FAM178B: variants seen among roughly 807,000 people sequenced by gnomAD.
The protein encoded by FAM178B is protein FAM178B.
Under a neutral mutation model 91.7 loss-of-function variants are expected in FAM178B, and 82 were observed. The observed-to-expected ratio is 0.89, with a 90% CI of 0.75 to 1.07. The LOEUF is 1.07. FAM178B is among the 50% of genes least tolerant of loss of function. The probability of loss-of-function intolerance (pLI) is 0.00; values close to 1 mark genes in which losing one functional copy is unlikely to be tolerated. For missense variants in FAM178B, 769 were observed against 846.7 expected (o/e 0.91, Z 1.14); for synonymous variants, 368 against 359.4 (o/e 1.02, Z -0.27).
At chr2:96,935,001 C>T (rs1012776251) in intron 8 of FAM178B, among the ~76,000 whole-genome samples, 9 of 152,180 alleles carry the variant, frequency 5.9e-5, no homozygotes, top group African/African-American at 1.9e-4. Context: ...CTCTCCTTTC[C>T]CCTGCCCTTC....
In FAM178B at chr2:96,921,251, C is replaced by G. The variant is rs928913917; in HGVS notation, c.1476G>C (p.Leu492=). The G allele has an allele frequency of 1.3e-6, 2 of 1,551,600 alleles. No individual in the cohort carries two copies. Among genetic ancestry groups the G allele is most frequent in the African/African-American group, 1.4e-5 (1 of 73,140 alleles). ...IREWPGKLQE[L]CCTLSWVSDH... ...CAGACACCCAGCTCAGGGTGCAGCA[C>G]AGTTCCTGGAGCTGCAGGAGAACGG... The change falls in exon 12 of 17, where the codon CTG becomes CTC. Residue 492 remains leucine (L), a synonymous_variant. Transcript: ENST00000490605.
intron 13 of FAM178B, among the ~76,000 whole-genome samples, chr2:96,896,996 A>T (rs778361014): frequency 6.6e-6 from 1 of 152,186 alleles, no homozygotes; most frequent in Non-Finnish European, 1.5e-5. Flanking sequence ...TCTCCCGAGT[A>T]GCTGGGATTA....
rs1217154530 is a variant in FAM178B at position 96,941,621 on chromosome 2, C to T, written c.1078+6197G>A. On this transcript the variant is annotated intron_variant, in intron 8 of 16. Coordinates refer to ENST00000490605, the MANE Select transcript of FAM178B (RefSeq NM_001122646.3). ...AATGAATTCTGTTCTTGGAGCTGAA[C>T]GTCTCGCCCACTTTCAAAATATCCA... Among the ~76,000 whole-genome samples the T allele has an allele frequency of 2.0e-5, 3 of 152,216 alleles. No individual in the cohort carries two copies. The East Asian group carries it at 5.8e-4, about 29-fold the overall frequency.
At chr2:96,912,958 G>C (rs1278428287) in intron 12 of FAM178B, among the ~76,000 whole-genome samples, 1 of 152,212 alleles carries the variant, frequency 6.6e-6, no homozygotes, top group Non-Finnish European at 1.5e-5. Flanking sequence ...AAAGAGAACT[G>C]GGGGAGGAAG....
chr2:96,921,057 A>G, intron 12 of FAM178B, 108 bp downstream of exon 12: 1 of 826,910 alleles, frequency 1.2e-6, no homozygotes, highest in Non-Finnish European at 2.0e-6. Flanking sequence ...GGGATTAGAA[A>G]TTGGGCAGGG....
intron 1 of FAM178B, among the ~76,000 whole-genome samples, chr2:96,976,748 T>C (rs2153376127): frequency 6.6e-6 from 1 of 152,096 alleles, no homozygotes; most frequent in African/African-American, 2.4e-5. Context: ...CTCAGGAGGC[T>C]GAGGCAGGAG....
At position 96,877,944 on chromosome 2, in the gene FAM178B, C is replaced by T; in HGVS notation, c.1953G>A (p.Leu651=). ...QAMHRTMLKD[L]ATQTYIRWQE... ...GCCAACGGATGTAGGTCTGGGTAGC[C>T]AGGTCCTTGAGCATGGTGCGGTGCA... The change falls in exon 16 of 17, where the codon CTG becomes CTA. Residue 651 remains leucine (L), a synonymous_variant. Transcript: ENST00000490605. 6.2e-7 allele frequency: 1 copy of T among 1,613,890 alleles called. No individual in the cohort carries two copies.
At chr2:96,931,368 T>A (rs760044761) in intron 8 of FAM178B, among the ~76,000 whole-genome samples, 1 of 152,104 alleles carries the variant, frequency 6.6e-6, no homozygotes, top group African/African-American at 2.4e-5. Flanking sequence ...GATCAAGAAA[T>A]ACAAGTGAAT....
chr2:96,927,582 C>T (rs1010527986), intron 9 of FAM178B, among the ~76,000 whole-genome samples: 22 of 152,178 alleles, frequency 1.4e-4, no homozygotes, highest in Admixed American at 7.9e-4. Context: ...GTCTGCGTGC[C>T]GGGGTTTGTG....
intron 9 of FAM178B, among the ~76,000 whole-genome samples, chr2:96,926,024 C>T (rs574940122): frequency 1.3e-5 from 2 of 151,060 alleles, no homozygotes; most frequent in Non-Finnish European, 2.9e-5. Context: ...AAGTGGCTGG[C>T]GGGGCATGGT....
chr2:96,878,148 G>GTGAC lies in FAM178B; in HGVS notation c.1855-110_1855-107dup, dbSNP rs2080292969. 6.4e-6 allele frequency: 8 copies of GTGAC among 1,257,146 alleles called. No individual in the cohort carries two copies. In the Admixed American group the frequency reaches 1.4e-4, roughly 22 times the overall value. The allele number at this position is 1,257,146 out of a possible 1,614,324, so 77.9% of individuals were successfully genotyped here. ...CAGAGAAAGGAAGGGGCACATTTGA[G>GTGAC]TGACTGTTCAGAAGTTGAGGAGGAA... On this transcript the variant is annotated intron_variant, in intron 15 of 16. Transcript: ENST00000490605.
intron 1 of FAM178B, among the ~76,000 whole-genome samples, chr2:96,977,436 A>G (rs140700618): frequency 1.4e-5 from 2 of 145,036 alleles, no homozygotes; most frequent in East Asian, 4.2e-4. Flanking sequence ...AACGTGAACG[A>G]CCGTGCCTTT....
chr2:96,929,823 C>T (rs937396256), intron 8 of FAM178B, among the ~76,000 whole-genome samples: 1 of 152,244 alleles, frequency 6.6e-6, no homozygotes, highest in Non-Finnish European at 1.5e-5. Context: ...GAGCACACCT[C>T]GCCTGCCTCC....
intron 14 of FAM178B, among the ~76,000 whole-genome samples, chr2:96,881,585 T>G (rs1164845451): frequency 6.6e-6 from 1 of 151,716 alleles, no homozygotes; most frequent in Non-Finnish European, 1.5e-5. Flanking sequence ...CTTCCCCTCC[T>G]AGAAGGAGTC....
rs570515612 is a variant in FAM178B at position 96,915,112 on chromosome 2, A to ATT, written c.1562+6051_1562+6052dup. Among the ~76,000 whole-genome samples, 740 of 143,090 alleles carry ATT rather than the reference A, an allele frequency of 5.2e-3. 4 individuals carry two copies. Among genetic ancestry groups the ATT allele is most frequent in the Non-Finnish European group, 7.7e-3 (502 of 65,022 alleles). The allele number at this position is 143,090 out of a possible 152,430, so 93.9% of individuals were successfully genotyped here. A position where few individuals can be genotyped will look rare whatever the true frequency, so the allele number is the denominator to read the frequency against. On this transcript the variant is annotated intron_variant, in intron 12 of 16. Transcript: ENST00000490605. ...ATGTCTTGAAATTATCTATAACCAAATTTTTTTTTTTTTTTGAGACGAAGT... is the reference window on the plus strand; with the variant it reads ...ATGTCTTGAAATTATCTATAACCAAATTTTTTTTTTTTTTTTTGAGACGAAGT...
chr2:96,972,644 G>A lies in FAM178B; in HGVS notation c.74-38C>T, dbSNP rs1434083213. The stretch of plus-strand genomic sequence containing the variant: ...GCCTGTGAGGGCAGGTGAACCTCCA[G>A]AAGAAAGCTAAAGGTTCTAAACCCC... On this transcript the variant is annotated intron_variant, in intron 1 of 16. Coordinates refer to ENST00000490605, the MANE Select transcript of FAM178B (RefSeq NM_001122646.3). The A allele has an allele frequency of 5.9e-6, 9 of 1,536,706 alleles. No individual in the cohort carries two copies. In the Admixed American group the frequency reaches 1.8e-4, roughly 30 times the overall value.
Position 96,931,964 on chromosome 2 carries a change from A to G in FAM178B, c.1079-2644T>C, listed in dbSNP as rs540474333. The stretch of plus-strand genomic sequence containing the variant: ...GGAAGAATGAAGTCTGCAAAACACA[A>G]TGAGACTCCACTGGAAAGAGAGAAC... On this transcript the variant is annotated intron_variant, in intron 8 of 16. Transcript: ENST00000490605. 1.1e-4 allele frequency among the ~76,000 whole-genome samples: 17 copies of G among 152,170 alleles called. No individual in the cohort carries two copies. In the East Asian group the frequency reaches 2.7e-3, roughly 24 times the overall value.
chr2:96,876,064 C>T lies in FAM178B; in HGVS notation c.*212G>A, dbSNP rs898700524. The T allele has an allele frequency of 3.4e-6, 2 of 586,210 alleles. No individual in the cohort carries two copies. Among genetic ancestry groups the T allele is most frequent in the Non-Finnish European group, 6.1e-6 (2 of 329,780 alleles). The allele number at this position is 586,210 out of a possible 1,614,324, so 36.3% of individuals were successfully genotyped here. ...GTGGGCGAGGCAGAGAGGCCCATCC[C>T]TTGCTGAGAGGAGAGGGGGTCGGGG... On this transcript the variant is annotated 3_prime_UTR_variant, in exon 17 of 17. Coordinates refer to ENST00000490605, the MANE Select transcript of FAM178B (RefSeq NM_001122646.3).
At chr2:96,951,688 C>G (rs943083067) in intron 6 of FAM178B, 1 of 550,820 alleles carries the variant, frequency 1.8e-6, no homozygotes, top group African/African-American at 1.9e-5. Context: ...ATCACCTGCT[C>G]TTCTTGAATG....
Sources: allele counts gnomAD v4.1 joint callset (sites outside exome capture counted in the v4.1 genomes callset), GRCh38; gene constraint gnomAD v4.1.1; transcripts MANE v1.5; gene names NCBI Gene and HGNC (gene_info 2026-07-23, HGNC 2026-07-21).